SMAD7: variants seen among roughly 807,000 people sequenced by gnomAD.
SMAD7 encodes the protein MAD (mothers against decapentaplegic, Drosophila) homolog 7.
A neutral mutation model predicts 38.7 loss-of-function variants in SMAD7; 8 were observed. That is an observed-to-expected ratio of 0.21 (90% CI 0.12 to 0.37). SMAD7 has a LOEUF of 0.37. Ranked by LOEUF, SMAD7 falls within the 10% of genes least tolerant of loss-of-function variation. The pLI is 1.00. For missense variants in SMAD7, 477 were observed against 577.9 expected (o/e 0.83, Z 1.79); for synonymous variants, 327 against 265.1 (o/e 1.23, Z -2.27).
chr18:48,930,351 C>G (rs57668004), intron 3 of SMAD7, among the ~76,000 whole-genome samples: 1 of 152,158 alleles, frequency 6.6e-6, no homozygotes, highest in African/African-American at 2.4e-5. Flanking sequence ...CAGACCCAAG[C>G]CCCCACTCCC....
At chr18:48,922,107 C>T (rs2069869971) in intron 3 of SMAD7, among the ~76,000 whole-genome samples, 197 bp from the exon 4 acceptor site, 1 of 152,220 alleles carries the variant, frequency 6.6e-6, no homozygotes, top group Admixed American at 6.5e-5. Flanking sequence ...TTTCTTTAAG[C>T]ATAGGAAGCG....
At chr18:48,936,366 A>G (rs1457189168) in intron 3 of SMAD7, among the ~76,000 whole-genome samples, 1 of 152,234 alleles carries the variant, frequency 6.6e-6, no homozygotes, top group East Asian at 1.9e-4. Flanking sequence ...TAAAATACAC[A>G]TAACTTAAAA....
chr18:48,950,718 G>A lies in SMAD7; in HGVS notation c.-294C>T, dbSNP rs1407371119. The A allele has an allele frequency of 6.7e-6, 1 of 148,444 alleles. No homozygotes were observed. The highest frequency in any genetic ancestry group is 2.4e-5 in the African/African-American group (1 of 41,018). 9.2% of individuals were successfully genotyped at this position (148,444 alleles called of 1,614,324 possible). On this transcript the variant is annotated 5_prime_UTR_variant, in exon 1 of 4. Coordinates refer to ENST00000262158, the MANE Select transcript of SMAD7 (RefSeq NM_005904.4). ...CGCCCTGCGCGGCTCTCCGGCCCCG[G>A]CGCGCCCCGGAGGAACCCGGCCGCC...
At chr18:48,947,891 T>TCCCC (rs1491319973) in intron 2 of SMAD7, among the ~76,000 whole-genome samples, 6 of 90,676 alleles carry the variant, frequency 6.6e-5, no homozygotes, top group Admixed American at 4.2e-4. Context: ...AGGAGGAACC[T>TCCCC]ACCCCCCCCC....
At chr18:48,928,888 C>T (rs1167230077) in intron 3 of SMAD7, among the ~76,000 whole-genome samples, 1 of 152,124 alleles carries the variant, frequency 6.6e-6, no homozygotes, top group Non-Finnish European at 1.5e-5. Flanking sequence ...AGGAAAGCCA[C>T]ACAAATCAAA....
At chr18:48,925,063 C>G (rs996436124) in intron 3 of SMAD7, among the ~76,000 whole-genome samples, 1 of 152,182 alleles carries the variant, frequency 6.6e-6, no homozygotes, top group African/African-American at 2.4e-5. Context: ...GCTTTGCTCC[C>G]AGGGACTTCC....
intron 3 of SMAD7, among the ~76,000 whole-genome samples, chr18:48,935,101 C>G (rs544338987): frequency 2.0e-5 from 3 of 152,236 alleles, no homozygotes; most frequent in African/African-American, 7.2e-5. Flanking sequence ...ATACTGAATC[C>G]ACGGGGCACC....
intron 3 of SMAD7, among the ~76,000 whole-genome samples, chr18:48,923,196 G>T (rs1165709677): frequency 6.6e-6 from 1 of 152,202 alleles, no homozygotes; most frequent in Non-Finnish European, 1.5e-5. Flanking sequence ...CCTTGCCCTC[G>T]CTCCCTGCAG....
chr18:48,940,939 A>T (rs111594363), intron 3 of SMAD7, among the ~76,000 whole-genome samples: 2,140 of 152,264 alleles, frequency 0.014, 53 homozygotes, highest in African/African-American at 0.049. Context: ...GGGGAGACAG[A>T]CAAGATGTTA....
chr18:48,937,454 C>G (rs2070083820), intron 3 of SMAD7, among the ~76,000 whole-genome samples: 1 of 152,112 alleles, frequency 6.6e-6, no homozygotes, highest in African/African-American at 2.4e-5. Flanking sequence ...CTTGTCTGGC[C>G]GGCAGAGCAG....
intron 3 of SMAD7, among the ~76,000 whole-genome samples, chr18:48,939,122 CT>C (rs1459845754): frequency 5.9e-5 from 9 of 152,084 alleles, no homozygotes; most frequent in Non-Finnish European, 1.2e-4. Context: ...ACGGGATTGT[CT>C]ATCTGTACGT....
chr18:48,950,401 C>T lies in SMAD7; in HGVS notation c.24G>A (p.Ala8=). 6.5e-7 allele frequency: 1 copy of T among 1,549,926 alleles called. No homozygotes were observed. Among genetic ancestry groups the T allele is most frequent in the Non-Finnish European group, 8.7e-7 (1 of 1,149,492 alleles). ...GGCTCCTCCAGAGACGCCGGACGAG[C>T]GCAGATCGTTTGGTCCTGAACATGC... The part of the protein sequence containing the change: MFRTKRS[A]LVRRLWRSRA... Residue 8 remains alanine (A), a synonymous_variant, in exon 1 of 4, where the codon GCG becomes GCA. Coordinates refer to ENST00000262158, the MANE Select transcript of SMAD7 (RefSeq NM_005904.4).
intron 3 of SMAD7, among the ~76,000 whole-genome samples, chr18:48,935,055 T>C (rs1407704954): frequency 2.6e-5 from 4 of 152,094 alleles, no homozygotes; most frequent in Non-Finnish European, 5.9e-5. Flanking sequence ...CTTTTAAGAG[T>C]TGGCTTCGTA....
chr18:48,920,483 GT>G lies in SMAD7; in HGVS notation c.*888del, dbSNP rs2069843285. The G allele has an allele frequency of 6.6e-6, 1 of 152,604 alleles. No individual in the cohort carries two copies. The highest frequency in any genetic ancestry group is 1.5e-5 in the Non-Finnish European group (1 of 68,272). 9.5% of individuals were successfully genotyped at this position (152,604 alleles called of 1,614,324 possible). A position where few individuals can be genotyped will look rare whatever the true frequency, so the allele number is the denominator to read the frequency against. ...TTAACACACAGGATGGGAGCAGGCAGTGCTGAGCTGGTTTTCTAAGTCCGGG... is the reference window on the plus strand; with the variant it reads ...TTAACACACAGGATGGGAGCAGGCAGGCTGAGCTGGTTTTCTAAGTCCGGG... On this transcript the variant is annotated 3_prime_UTR_variant, in exon 4 of 4. Transcript: ENST00000262158.
At chr18:48,947,143 C>T (rs887816666) in intron 2 of SMAD7, among the ~76,000 whole-genome samples, 2 of 152,154 alleles carry the variant, frequency 1.3e-5, no homozygotes, top group Non-Finnish European at 2.9e-5. Flanking sequence ...TGGGTATCTC[C>T]TTATTAATAA....
At chr18:48,934,806 A>G (rs1424344038) in intron 3 of SMAD7, among the ~76,000 whole-genome samples, 1 of 151,962 alleles carries the variant, frequency 6.6e-6, no homozygotes, top group African/African-American at 2.4e-5. Context: ...AAAACAGGCT[A>G]GCCGTTTCTC....
chr18:48,942,373 A>G, intron 3 of SMAD7, 108 bp downstream of exon 3: 2 of 725,068 alleles, frequency 2.8e-6, no homozygotes, highest in South Asian at 3.6e-5. Flanking sequence ...AAAAATGAGA[A>G]TGAAGTCCAG....
intron 3 of SMAD7, among the ~76,000 whole-genome samples, chr18:48,934,765 T>A: frequency 6.7e-6 from 1 of 148,958 alleles, no homozygotes. Context: ...CTCGTGGGAG[T>A]GGAAGGGAAG....
chr18:48,949,398 C>T (rs977177302), intron 1 of SMAD7: 6 of 450,114 alleles, frequency 1.3e-5, no homozygotes, highest in African/African-American at 2.1e-5. Flanking sequence ...CCTTGGCGGG[C>T]CTGGACCAAA....
Sources: allele counts gnomAD v4.1 joint callset (sites outside exome capture counted in the v4.1 genomes callset), GRCh38; gene constraint gnomAD v4.1.1; transcripts MANE v1.5; gene names NCBI Gene and HGNC (gene_info 2026-07-23, HGNC 2026-07-21).